Variants in TRIM37 observed in about 807,000 individuals in gnomAD.
The protein encoded by TRIM37 is tripartite motif containing 37, also known as E3 ubiquitin-protein ligase TRIM37.
In TRIM37, 80 loss-of-function variants were observed where a neutral mutation model predicts 129.8. The ratio of observed to expected loss-of-function variants is 0.62; its 90% CI spans 0.51 to 0.74. The LOEUF is 0.74. Among genes scored for constraint, TRIM37 ranks in the 30% least tolerant of loss-of-function variants. The probability of loss-of-function intolerance (pLI) is 0.00; values close to 1 mark genes in which losing one functional copy is unlikely to be tolerated. For missense variants in TRIM37, 1,054 were observed against 1,176.5 expected (o/e 0.90, Z 1.52); for synonymous variants, 389 against 387.1 (o/e 1.00, Z -0.06).
At chr17:59,010,654 GGCTAATATTTCTATATTTA>G (rs2035140472) in intron 22 of TRIM37, among the ~76,000 whole-genome samples, 1 of 151,862 alleles carries the variant, frequency 6.6e-6, no homozygotes, top group Admixed American at 6.6e-5. Context: ...TACCACATCT[GGCTAATATTTCTATATTTA>G]GTAGAGATGA....
Position 58,999,198 on chromosome 17 carries a change from T to C in TRIM37, c.*179A>G. 1 of 1,475,984 alleles carries C rather than the reference T, an allele frequency of 6.8e-7. No individual in the cohort carries two copies. The highest frequency in any genetic ancestry group is 9.0e-7 in the Non-Finnish European group (1 of 1,117,014). The allele number at this position is 1,475,984 out of a possible 1,614,324, so 91.4% of individuals were successfully genotyped here. ...TTCCCATACTGTTTTTCCCATGTAC[T>C]ACTGCTGTCTTAGACTAAACTGTGC... On this transcript the variant is annotated 3_prime_UTR_variant, in exon 24 of 24. Coordinates refer to ENST00000262294, the MANE Select transcript of TRIM37 (RefSeq NM_015294.6).
chr17:59,090,450 A>G (rs911943288), intron 3 of TRIM37, among the ~76,000 whole-genome samples: 6 of 152,226 alleles, frequency 3.9e-5, no homozygotes, highest in African/African-American at 1.4e-4. Flanking sequence ...AAATACATGC[A>G]CAAAAAACAG....
intron 17 of TRIM37, 43 bp downstream of exon 17, chr17:59,041,770 G>GTTT (rs1568061414): frequency 7.0e-7 from 1 of 1,419,510 alleles, no homozygotes; most frequent in South Asian, 1.1e-5. Context: ...GAAGAGCAGA[G>GTTT]AGAAAACAGA....
intron 23 of TRIM37, among the ~76,000 whole-genome samples, chr17:59,000,010 T>C (rs2033482379): frequency 6.6e-6 from 1 of 152,132 alleles, no homozygotes; most frequent in Non-Finnish European, 1.5e-5. Context: ...ATATGCAAAA[T>C]ATAAAGCAGA....
At chr17:59,097,889 C>A (rs1033109964) in intron 2 of TRIM37, among the ~76,000 whole-genome samples, 1 of 152,168 alleles carries the variant, frequency 6.6e-6, no homozygotes, top group Non-Finnish European at 1.5e-5. Flanking sequence ...AAGGCATGTA[C>A]AGAATCAATG....
In TRIM37 at chr17:59,106,718, G is replaced by T; in HGVS notation, c.-257C>A. 1.7e-6 allele frequency: 1 copy of T among 578,376 alleles called. No homozygotes were observed. The highest frequency in any genetic ancestry group is 3.1e-6 in the Non-Finnish European group (1 of 325,656). The allele number at this position is 578,376 out of a possible 1,614,324, so 35.8% of individuals were successfully genotyped here. A position where few individuals can be genotyped will look rare whatever the true frequency, so the allele number is the denominator to read the frequency against. ...ACGGTGGCCGCAGCTCCTTTCTCCC[G>T]GCTCAGCCGCCGGCCAGCAGCCGCG... On this transcript the variant is annotated 5_prime_UTR_variant, in exon 1 of 24. Transcript: ENST00000262294.
intron 22 of TRIM37, among the ~76,000 whole-genome samples, chr17:59,007,158 A>ACAC (rs2034600895): frequency 9.6e-4 from 8 of 8,344 alleles, no homozygotes; most frequent in Admixed American, 2.5e-3. Context: ...CCCACCCTCC[A>ACAC]ACACACACAC....
At chr17:58,972,295 A>G in the TRIM37 span, 2 of 1,606,438 alleles carry the variant, frequency 1.2e-6, no homozygotes, top group Non-Finnish European at 1.7e-6. Flanking sequence ...GTCTGTTTTA[A>G]TAGAGCCCAT....
intron 16 of TRIM37, among the ~76,000 whole-genome samples, chr17:59,047,071 G>A (rs893155544): frequency 3.3e-5 from 5 of 151,496 alleles, no homozygotes; most frequent in South Asian, 2.1e-4. Flanking sequence ...GGAGAATGGC[G>A]TAATCCGGAA....
intron 13 of TRIM37, among the ~76,000 whole-genome samples, chr17:59,055,738 C>A (rs185236241): frequency 5.4e-5 from 7 of 128,822 alleles, no homozygotes; most frequent in Non-Finnish European, 8.3e-5. Context: ...AAGGATATAA[C>A]GAGGGGTAAC....
At chr17:59,039,581 G>A (rs1014591268) in intron 17 of TRIM37, among the ~76,000 whole-genome samples, 8 of 151,882 alleles carry the variant, frequency 5.3e-5, no homozygotes, top group African/African-American at 1.2e-4. Flanking sequence ...TGCTGACATC[G>A]TGATCCACCC....
chr17:59,036,687 A>G (rs1441860920), intron 17 of TRIM37, among the ~76,000 whole-genome samples: 1 of 152,086 alleles, frequency 6.6e-6, no homozygotes, highest in Non-Finnish European at 1.5e-5. Context: ...TGGTCTATAA[A>G]ATAAGATTAT....
intron 8 of TRIM37, among the ~76,000 whole-genome samples, chr17:59,071,783 T>C (rs1277206398): frequency 6.6e-6 from 1 of 152,188 alleles, no homozygotes; most frequent in African/African-American, 2.4e-5. Flanking sequence ...CTACTAATTT[T>C]TTCTTCAAAA....
At chr17:59,000,267 T>C (rs950954044) in intron 23 of TRIM37, among the ~76,000 whole-genome samples, 4 of 152,164 alleles carry the variant, frequency 2.6e-5, no homozygotes, top group Non-Finnish European at 5.9e-5. Context: ...CATACAAATA[T>C]ATTTAAGTGA....
At chr17:59,031,770 T>C in intron 18 of TRIM37, 126 bp downstream of exon 18, 1 of 928,716 alleles carries the variant, frequency 1.1e-6, no homozygotes, top group Non-Finnish European at 1.6e-6. Context: ...GTCATTTTTA[T>C]GGTATACAAT....
chr17:58,984,834 A>G (rs28682369), intron 24 of TRIM37: 75 of 152,570 alleles, frequency 4.9e-4, no homozygotes, highest in African/African-American at 1.8e-3. Context: ...GGAACTCCAG[A>G]CTGACACAGC....
At chr17:58,968,139 T>C in the TRIM37 span, among the ~76,000 whole-genome samples, 1 of 152,212 alleles carries the variant, frequency 6.6e-6, no homozygotes, top group East Asian at 1.9e-4. Flanking sequence ...CCGTCCTTCA[T>C]GTCATTAAAG....
At chr17:58,996,807 TGTG>T (rs2033059701), downstream of TRIM37, among the ~76,000 whole-genome samples, 2 of 150,534 alleles carry the variant, frequency 1.3e-5, no homozygotes, top group African/African-American at 2.4e-5. Context: ...TGTGTGTGTG[TGTG>T]TGTGTGTGTG....
At chr17:59,090,567 A>T (rs2044201599) in intron 3 of TRIM37, among the ~76,000 whole-genome samples, 1 of 151,970 alleles carries the variant, frequency 6.6e-6, no homozygotes, top group Admixed American at 6.6e-5. Flanking sequence ...TTTATTTTAT[A>T]TTTATCTCTA....
Sources: allele counts gnomAD v4.1 joint callset (sites outside exome capture counted in the v4.1 genomes callset), GRCh38; gene constraint gnomAD v4.1.1; transcripts MANE v1.5; gene names NCBI Gene and HGNC (gene_info 2026-07-23, HGNC 2026-07-21).